Variants in SRBD1 observed in about 807,000 individuals in gnomAD.
SRBD1 encodes the protein S1 RNA-binding domain-containing protein 1.
Under a neutral mutation model 115.3 loss-of-function variants are expected in SRBD1, and 88 were observed. The observed-to-expected ratio is 0.76, with a 90% CI of 0.64 to 0.91. SRBD1 has a LOEUF of 0.91. Among genes scored for constraint, SRBD1 ranks in the 40% least tolerant of loss-of-function variants. The pLI is 0.00. For missense variants in SRBD1, 1,385 were observed against 1,177.4 expected (o/e 1.18, Z -2.58); for synonymous variants, 509 against 407.7 (o/e 1.25, Z -2.99).
At chr2:45,534,066 C>T (rs908356332) in intron 14 of SRBD1, among the ~76,000 whole-genome samples, 1 of 151,940 alleles carries the variant, frequency 6.6e-6, no homozygotes, top group African/African-American at 2.4e-5. Context: ...GACTTACGAA[C>T]ACAAAAACAC....
chr2:45,491,945 C>T (rs1670306093), intron 14 of SRBD1, among the ~76,000 whole-genome samples: 1 of 150,072 alleles, frequency 6.7e-6, no homozygotes, highest in East Asian at 1.9e-4. Flanking sequence ...CCTCAGCCTC[C>T]CGAGTAGCTA....
intron 4 of SRBD1, among the ~76,000 whole-genome samples, chr2:45,598,844 C>T (rs917398591): frequency 3.3e-5 from 5 of 152,074 alleles, no homozygotes; most frequent in African/African-American, 1.2e-4. Flanking sequence ...ATAATTAAGT[C>T]TAAAATGGTC....
At chr2:45,449,501 T>C (rs936176126) in intron 16 of SRBD1, among the ~76,000 whole-genome samples, 2 of 152,220 alleles carry the variant, frequency 1.3e-5, no homozygotes, top group African/African-American at 4.8e-5. Flanking sequence ...TTACTAACAG[T>C]GCATTGTAAA....
chr2:45,389,472 T>C lies in SRBD1; in HGVS notation c.2826A>G (p.Lys942=). The stretch of plus-strand genomic sequence containing the variant: ...CATTTCGTATGGGAATCAGCCCAGA[T>C]TTCCCCACTCCTATATCCACAAAAA... ...FGIFVDIGVG[K]SGLIPIRNVT... is the part of the protein sequence containing the mutation. Residue 942 remains lysine (K), a synonymous_variant, in exon 21 of 21, where the codon AAA becomes AAG. Transcript: ENST00000263736. 1 of 1,614,076 alleles carries C rather than the reference T, an allele frequency of 6.2e-7. No individual in the cohort carries two copies. Among genetic ancestry groups the C allele is most frequent in the Non-Finnish European group, 8.5e-7 (1 of 1,179,954 alleles).
intron 14 of SRBD1, among the ~76,000 whole-genome samples, chr2:45,491,131 T>C (rs977969971): frequency 1.3e-5 from 2 of 152,132 alleles, no homozygotes; most frequent in African/African-American, 4.8e-5. Flanking sequence ...TACCCTCCCT[T>C]TTTCATTCCT....
chr2:45,532,880 G>T (rs761047017), intron 14 of SRBD1, among the ~76,000 whole-genome samples: 1 of 151,854 alleles, frequency 6.6e-6, no homozygotes, highest in Non-Finnish European at 1.5e-5. Flanking sequence ...TCAATTTCTG[G>T]CCCCCGAATC....
At chr2:45,524,481 C>T (rs921732825) in intron 14 of SRBD1, among the ~76,000 whole-genome samples, 5 of 151,626 alleles carry the variant, frequency 3.3e-5, no homozygotes, top group African/African-American at 1.2e-4. Flanking sequence ...TTATAAAAAC[C>T]GACTATTTCT....
intron 14 of SRBD1, among the ~76,000 whole-genome samples, chr2:45,532,590 C>T (rs927297505): frequency 5.9e-5 from 9 of 151,760 alleles, no homozygotes; most frequent in African/African-American, 1.7e-4. Flanking sequence ...CCCCCATGCC[C>T]TTGAAACCTA....
chr2:45,494,007 G>T (rs978673564), intron 14 of SRBD1, among the ~76,000 whole-genome samples: 1 of 151,812 alleles, frequency 6.6e-6, no homozygotes, highest in Non-Finnish European at 1.5e-5. Flanking sequence ...ACATGCAAAT[G>T]AAATGTAAAA....
Position 45,553,724 on chromosome 2 carries a change from T to C in SRBD1, c.1416A>G (p.Arg472=). 1 of 1,574,022 alleles carries C rather than the reference T, an allele frequency of 6.4e-7. No homozygotes were observed. The highest frequency in any genetic ancestry group is 8.6e-7 in the Non-Finnish European group (1 of 1,162,822). The change falls in exon 11 of 21, where the codon AGA becomes AGG. Residue 472 remains arginine, a synonymous_variant. Transcript: ENST00000263736. ...ACTCTGGCCTTGCAAAGCTACGTGG[T>C]CTCCACCTGCAAAACAGAAAAGCCC... ...FCRWCIQNRW[R]PRSFARPELM...
chr2:45,566,089 G>C (rs1012330496), intron 9 of SRBD1, among the ~76,000 whole-genome samples: 1 of 152,150 alleles, frequency 6.6e-6, no homozygotes, highest in Non-Finnish European at 1.5e-5. Context: ...TAGAGAAATC[G>C]GAACCTTCAC....
At chr2:45,431,760 A>C (rs1668345348) in intron 16 of SRBD1, among the ~76,000 whole-genome samples, 1 of 152,210 alleles carries the variant, frequency 6.6e-6, no homozygotes, top group African/African-American at 2.4e-5. Flanking sequence ...CATGTATCCC[A>C]GAACTTAAAG....
chr2:45,581,669 T>G lies in SRBD1; in HGVS notation c.933+24A>C, dbSNP rs369481882. 2.5e-6 allele frequency: 4 copies of G among 1,578,496 alleles called. No individual in the cohort carries two copies. In the African/African-American group the frequency reaches 5.4e-5, roughly 21 times the overall value. On this transcript the variant is annotated intron_variant, in intron 6 of 20. Transcript: ENST00000263736. ...ATTGCAATATATTCAGGTATTACAT[T>G]AAAAGATAAAAAGGATTCCTTACCA...
chr2:45,398,406 G>A (rs529959127), intron 19 of SRBD1, among the ~76,000 whole-genome samples: 23 of 152,156 alleles, frequency 1.5e-4, no homozygotes, highest in Admixed American at 1.4e-3. Context: ...TCCTGTCATA[G>A]ATGAAGGAAT....
At chr2:45,513,174 G>C (rs1255092314) in intron 14 of SRBD1, among the ~76,000 whole-genome samples, 1 of 152,104 alleles carries the variant, frequency 6.6e-6, no homozygotes, top group Non-Finnish European at 1.5e-5. Context: ...CATGGCTCCA[G>C]CAAGAACATA....
At chr2:45,465,414 A>C (rs115097218) in intron 16 of SRBD1, among the ~76,000 whole-genome samples, 1,732 of 151,962 alleles carry the variant, frequency 0.011, 38 homozygotes, top group African/African-American at 0.038. Context: ...ATATGTGTGT[A>C]TATATATATA....
intron 16 of SRBD1, among the ~76,000 whole-genome samples, chr2:45,449,904 G>C (rs1250337199): frequency 6.6e-6 from 1 of 151,972 alleles, no homozygotes; most frequent in Non-Finnish European, 1.5e-5. Context: ...AGGGTGATCA[G>C]GGCTTCATAA....
intron 14 of SRBD1, among the ~76,000 whole-genome samples, chr2:45,503,188 C>A (rs368079430): frequency 1.3e-4 from 20 of 149,392 alleles, no homozygotes; most frequent in African/African-American, 5.0e-4. Context: ...TAACTGGCAT[C>A]CTAAACATAT....
chr2:45,547,554 C>G lies in SRBD1; in HGVS notation c.1734G>C (p.Ala578=), dbSNP rs145472070. 84 of 1,613,504 alleles carry G rather than the reference C, an allele frequency of 5.2e-5. No individual in the cohort carries two copies. The African/African-American group carries it at 9.9e-4, about 19-fold the overall frequency. Residue 578 remains alanine, a synonymous_variant, in exon 13 of 21, where the codon GCG becomes GCC. Transcript: ENST00000263736. ...TCAGCAAAAGTGTCTTTATTTTCTC[C>G]GCCTCTCGGAAGCCTTGTCCACAAT... ...YLHCGQGFRE[A]EKIKTLLLNF... is the part of the protein sequence containing the mutation.
Sources: allele counts gnomAD v4.1 joint callset (sites outside exome capture counted in the v4.1 genomes callset), GRCh38; gene constraint gnomAD v4.1.1; transcripts MANE v1.5; gene names NCBI Gene and HGNC (gene_info 2026-07-23, HGNC 2026-07-21).